DCAF1: variants seen among roughly 807,000 people sequenced by gnomAD.
The protein encoded by DCAF1 is DDB1- and CUL4-associated factor 1.
DCAF1 carries 15 observed loss-of-function variants against 128.0 expected under a neutral mutation model. The ratio of observed to expected loss-of-function variants is 0.12; its 90% CI spans 0.08 to 0.18. The LOEUF is 0.18. Among genes scored for constraint, DCAF1 ranks in the 10% least tolerant of loss-of-function variants. The pLI is 1.00. For missense variants in DCAF1, 988 were observed against 1,649.5 expected (o/e 0.60, Z 6.95); for synonymous variants, 610 against 603.0 (o/e 1.01, Z -0.17).
At chr3:51,408,960 A>C (rs1295208581) in intron 23 of DCAF1, among the ~76,000 whole-genome samples, 1 of 152,142 alleles carries the variant, frequency 6.6e-6, no homozygotes, top group African/African-American at 2.4e-5. Context: ...GTCTTCTCTG[A>C]GCTAGAAAGC....
Position 51,398,820 on chromosome 3 carries a change from G to T in DCAF1, c.4473C>A (p.Ser1491Arg). The T allele has an allele frequency of 1.3e-6, 2 of 1,585,318 alleles. No homozygotes were observed. The highest frequency in any genetic ancestry group is 8.6e-7 in the Non-Finnish European group (1 of 1,164,820). ...EVELILGDTDSSDNSDLEDDI... is the reference protein window; with the variant it reads ...EVELILGDTDRSDNSDLEDDI... ...CATCTTCCAAATCAGAGTTGTCAGA[G>T]CTGTCAGCTGAAAGGGAAGAAAAGG... The change falls in exon 25 of 25, where the codon AGC (serine) becomes AGA (arginine). Residue 1491 changes from serine to arginine, a missense_variant. By Grantham distance (110) the Ser-to-Arg change is moderately radical (BLOSUM62 -1). This residue lies in a region of DCAF1 where 97 missense variants were observed against 134.5 expected (regional missense o/e 0.72). Coordinates refer to ENST00000684031, the MANE Select transcript of DCAF1 (RefSeq NM_001387579.1).
chr3:51,481,458 G>A (rs1254657339), intron 3 of DCAF1, among the ~76,000 whole-genome samples: 5 of 152,078 alleles, frequency 3.3e-5, no homozygotes, highest in East Asian at 1.9e-4. Context: ...TTGGGAGGCC[G>A]AGGTGGGTGG....
At chr3:51,418,013 A>G (rs1699053712) in intron 17 of DCAF1, 103 bp downstream of exon 17, 1 of 1,423,716 alleles carries the variant, frequency 7.0e-7, no homozygotes, top group South Asian at 1.4e-5. Context: ...AATAACCGAC[A>G]GCATCCTCTT....
intron 18 of DCAF1, 58 bp from the exon 19 acceptor site, chr3:51,414,915 TAA>T: frequency 6.4e-7 from 1 of 1,557,754 alleles, no homozygotes; most frequent in Non-Finnish European, 8.7e-7. Context: ...ACTGACAAAT[TAA>T]AGAGAAAATG....
chr3:51,413,808 A>C (rs1559481294), intron 20 of DCAF1, 142 bp downstream of exon 20: 2 of 1,106,646 alleles, frequency 1.8e-6, no homozygotes, highest in Non-Finnish European at 2.4e-6. Context: ...CACCATTCAT[A>C]CTATCAATTT....
Position 51,429,374 on chromosome 3 carries a change from T to C in DCAF1, c.1564A>G (p.Met522Val). The change falls in exon 12 of 25, where the codon ATG becomes GTG. Residue 522 changes from methionine to valine, a missense_variant. This residue lies in a region of DCAF1 where 185 missense variants were observed against 248.1 expected (regional missense o/e 0.75). Transcript: ENST00000684031. ...GCCTCAAAGTATTTGCGCAAGGCCA[T>C]GCAGGTATGTTTCCCAGTTTGGCGG... ...ASRQTGKHTC[M>V]ALRKYFEAHL... is the part of the protein sequence containing the mutation. 1.3e-6 allele frequency: 1 copy of C among 780,946 alleles called. No individual in the cohort carries two copies. Among genetic ancestry groups the C allele is most frequent in the Non-Finnish European group, 2.4e-6 (1 of 418,002 alleles). 48.4% of individuals were successfully genotyped at this position (780,946 alleles called of 1,614,324 possible). A position where few individuals can be genotyped will look rare whatever the true frequency, so the allele number is the denominator to read the frequency against.
intron 17 of DCAF1, among the ~76,000 whole-genome samples, chr3:51,417,663 T>G (rs1699006559): frequency 6.6e-6 from 1 of 150,980 alleles, no homozygotes; most frequent in Non-Finnish European, 1.5e-5. Context: ...GAGCTTGCAG[T>G]AGGCTGAGAT....
intron 2 of DCAF1, among the ~76,000 whole-genome samples, chr3:51,491,054 AAAAAC>A (rs1373375613): frequency 3.3e-5 from 5 of 151,594 alleles, no homozygotes; most frequent in Middle Eastern, 3.4e-3. Flanking sequence ...AAAAAAAAAA[AAAAAC>A]AAAGTCGGGG....
intron 6 of DCAF1, among the ~76,000 whole-genome samples, chr3:51,456,722 A>G (rs982671215): frequency 6.6e-6 from 1 of 152,200 alleles, no homozygotes; most frequent in Admixed American, 6.5e-5. Flanking sequence ...AAACTTCCAG[A>G]GGAACGATCA....
chr3:51,504,529 G>A (rs1429988818), upstream of DCAF1, among the ~76,000 whole-genome samples: 1 of 152,056 alleles, frequency 6.6e-6, no homozygotes, highest in African/African-American at 2.4e-5. Context: ...TGTATTTTTA[G>A]TAGAGATGGG....
In DCAF1 at chr3:51,423,510, A is replaced by G. The variant is rs191754324; in HGVS notation, c.1848-1079T>C. Among the ~76,000 whole-genome samples the G allele has an allele frequency of 3.4e-3, 521 of 151,752 alleles. 4 individuals carry two copies. The highest frequency in any genetic ancestry group is 5.2e-3 in the Non-Finnish European group (356 of 67,896). On this transcript the variant is annotated intron_variant, in intron 13 of 24. Transcript: ENST00000684031. ...GAGAGAGACTCTGTCTCCACAAAAA[A>G]AAAAAAAGAAAAGAAAAAAGACTCA...
At position 51,499,904 on chromosome 3, in the gene DCAF1, C is replaced by G. The variant is rs1409082514; in HGVS notation, c.-87G>C. The G allele has an allele frequency of 6.7e-6, 1 of 149,468 alleles. No homozygotes were observed. The highest frequency in any genetic ancestry group is 2.5e-5 in the African/African-American group (1 of 40,660). 9.3% of individuals were successfully genotyped at this position (149,468 alleles called of 1,614,324 possible). ...AGGCGGCTCCGCCGCTGCCCCCCCC[C>G]GACCCCGCCAGTGGCCACAGTTCAC... On this transcript the variant is annotated 5_prime_UTR_variant, in exon 1 of 25. Coordinates refer to ENST00000684031, the MANE Select transcript of DCAF1 (RefSeq NM_001387579.1).
chr3:51,413,404 G>GAGGAAACACTATT lies in DCAF1; in HGVS notation c.3932-31_3932-19dup. 2 of 1,605,704 alleles carry GAGGAAACACTATT rather than the reference G, an allele frequency of 1.2e-6. No homozygotes were observed. The highest frequency in any genetic ancestry group is 1.7e-6 in the Non-Finnish European group (2 of 1,175,602). ...CAACATAGCTTGAGGGGGAGTGGGG[G>GAGGAAACACTATT]AGGAAACACTATTAGGAATCACAAA... On this transcript the variant is annotated intron_variant, in intron 20 of 24. Coordinates refer to ENST00000684031, the MANE Select transcript of DCAF1 (RefSeq NM_001387579.1).
At chr3:51,418,239 A>G in intron 16 of DCAF1, 41 bp from the exon 17 acceptor site, 1 of 1,575,432 alleles carries the variant, frequency 6.3e-7, no homozygotes, top group Non-Finnish European at 8.6e-7. Context: ...ACGTATTTAC[A>G]TACATGCAGA....
chr3:51,494,266 C>T (rs1217998080), intron 2 of DCAF1, among the ~76,000 whole-genome samples: 3 of 151,720 alleles, frequency 2.0e-5, no homozygotes, highest in Non-Finnish European at 4.4e-5. Flanking sequence ...AGGCACCGGC[C>T]ACCACACCCG....
intron 16 of DCAF1, among the ~76,000 whole-genome samples, 155 bp downstream of exon 16, chr3:51,418,523 A>G (rs1699102400): frequency 1.3e-5 from 2 of 152,242 alleles, no homozygotes; most frequent in South Asian, 4.1e-4. Flanking sequence ...CATATTCCTC[A>G]GTCTCCATCT....
chr3:51,412,460 G>A lies in DCAF1; in HGVS notation c.4131C>T (p.Ala1377=), dbSNP rs115019262. 6.2e-7 allele frequency: 1 copy of A among 1,613,820 alleles called. No homozygotes were observed. Among genetic ancestry groups the A allele is most frequent in the Non-Finnish European group, 8.5e-7 (1 of 1,179,844 alleles). ...GCCTGCATACTGTGTCCATGTTCAGGGCATCCATGCTGCCTTGATTCTGAA... is the reference window on the plus strand; with the variant it reads ...GCCTGCATACTGTGTCCATGTTCAGAGCATCCATGCTGCCTTGATTCTGAA... ...AVIENQGSMD[A]LNMDTVCRLY... The change falls in exon 23 of 25, where the codon GCC becomes GCT. Residue 1377 remains alanine (A), a synonymous_variant. Transcript: ENST00000684031.
At chr3:51,447,138 GGCT>G (rs1553640438) in intron 6 of DCAF1, among the ~76,000 whole-genome samples, 24 of 151,972 alleles carry the variant, frequency 1.6e-4, no homozygotes, top group Non-Finnish European at 3.2e-4. Flanking sequence ...TGGGCATGGT[GGCT>G]CATGCCTGTA....
Position 51,420,272 on chromosome 3 carries a change from G to A in DCAF1, c.2698C>T (p.Pro900Ser), listed in dbSNP as rs781947948. The change falls in exon 15 of 25, where the codon CCC becomes TCC. Residue 900 changes from proline to serine, a missense_variant. Transcript: ENST00000684031. The surrounding 1 kb of genome is among the most constrained non-coding windows in gnomAD (Gnocchi z 6.5). The stretch of plus-strand genomic sequence containing the variant: ...CCATTAGCGATACGAGGGGTTCGGG[G>A]TAGAGAGACAGGAGAAGCAGCAGCA... ...VTAAASPVSL[P>S]RTPRIANGIA... 3 of 1,613,940 alleles carry A rather than the reference G, an allele frequency of 1.9e-6. No individual in the cohort carries two copies. The highest frequency in any genetic ancestry group is 2.2e-5 in the East Asian group (1 of 44,896).
Sources: gnomAD v4.1 joint callset for allele counts (sites outside exome capture counted in the v4.1 genomes callset) on GRCh38, gnomAD v4.1.1 for gene constraint, gnomAD v4.1.1 regional missense constraint, Gnocchi (gnomAD v3.1) non-coding constraint, MANE v1.5 for transcripts, NCBI Gene and HGNC (gene_info 2026-07-23, HGNC 2026-07-21) for gene names.